Variants in PXDNL observed in about 807,000 individuals in gnomAD.
PXDNL encodes peroxidasin like.
Under a neutral mutation model 150.8 loss-of-function variants are expected in PXDNL, and 145 were observed. The ratio of observed to expected loss-of-function variants is 0.96; its 90% CI spans 0.84 to 1.10. The LOEUF (loss-of-function observed/expected upper bound fraction) is 1.10, where lower values mean the gene tolerates loss of function less well. Ranked by LOEUF, PXDNL falls within the 50% of genes least tolerant of loss-of-function variation. The probability of loss-of-function intolerance (pLI) is 0.00; values close to 1 mark genes in which losing one functional copy is unlikely to be tolerated. For synonymous variants in PXDNL, 757 were observed against 725.7 expected, an observed-to-expected ratio of 1.04 and a Z score of -0.69; for missense variants, 2,087 against 1,873.9, an observed-to-expected ratio of 1.11 and a Z score of -2.10.
At chr8:51,542,231 T>C (rs773251885) in intron 4 of PXDNL, among the ~76,000 whole-genome samples, 9 of 152,158 alleles carry the variant, frequency 5.9e-5, no homozygotes, top group Non-Finnish European at 1.0e-4. Flanking sequence ...TATTAAATAT[T>C]ATCTAACAGA....
intron 15 of PXDNL, 23 bp downstream of exon 15, chr8:51,413,127 A>G: frequency 7.4e-7 from 1 of 1,357,498 alleles, no homozygotes; most frequent in Non-Finnish European, 1.1e-6. Context: ...CAAGGTTTCA[A>G]TCTGTGTAAA....
intron 19 of PXDNL, among the ~76,000 whole-genome samples, chr8:51,367,347 C>T (rs989391142): frequency 2.0e-5 from 3 of 151,926 alleles, no homozygotes; most frequent in South Asian, 2.1e-4. Flanking sequence ...AACACACTAA[C>T]AGAGAAATGA....
chr8:51,608,185 C>G (rs1172500363), intron 2 of PXDNL, among the ~76,000 whole-genome samples: 2 of 147,624 alleles, frequency 1.4e-5, no homozygotes, highest in Admixed American at 6.7e-5. Flanking sequence ...GTCAGGAGAT[C>G]AAGACCATCC....
intron 1 of PXDNL, among the ~76,000 whole-genome samples, chr8:51,767,358 G>C (rs867814530): frequency 7.9e-5 from 12 of 151,744 alleles, no homozygotes; most frequent in African/African-American, 2.9e-4. Flanking sequence ...CCCCTTCCTA[G>C]TTTTCATGTT....
chr8:51,751,932 G>T (rs1413848780), intron 1 of PXDNL, among the ~76,000 whole-genome samples: 1 of 152,076 alleles, frequency 6.6e-6, no homozygotes, highest in African/African-American at 2.4e-5. Context: ...TATTTCTTGT[G>T]GCCCAATAAC....
intron 2 of PXDNL, among the ~76,000 whole-genome samples, chr8:51,608,656 T>A (rs1199529571): frequency 6.7e-6 from 1 of 148,654 alleles, no homozygotes; most frequent in African/African-American, 2.5e-5. Context: ...GCTAACACGG[T>A]GAAACCCCGT....
At chr8:51,441,344 T>C (rs2017341) in intron 12 of PXDNL, among the ~76,000 whole-genome samples, 144,483 of 152,228 alleles carry the variant, frequency 0.95, 68,808 homozygotes, top group Non-Finnish European at 0.99. Flanking sequence ...TAATACAAGG[T>C]CCTTCATTTT....
intron 19 of PXDNL, among the ~76,000 whole-genome samples, chr8:51,353,480 ACTT>A (rs1284417882): frequency 2.6e-5 from 4 of 152,058 alleles, no homozygotes; most frequent in Non-Finnish European, 4.4e-5. Flanking sequence ...TAGATATTAC[ACTT>A]CTTGATAAAA....
chr8:51,644,734 G>C (rs1814879646), intron 2 of PXDNL, among the ~76,000 whole-genome samples: 1 of 151,716 alleles, frequency 6.6e-6, no homozygotes, highest in Non-Finnish European at 1.5e-5. Context: ...TGGGATTACA[G>C]GTGTGAGTCA....
chr8:51,520,380 T>TGCGGAGAAGGGACTGGG (rs996606872), intron 4 of PXDNL, among the ~76,000 whole-genome samples: 11 of 149,310 alleles, frequency 7.4e-5, no homozygotes, highest in African/African-American at 2.2e-4. Context: ...GGAACCTGGC[T>TGCGGAGAAGGGACTGGG]GCGGGGAAGG....
intron 12 of PXDNL, among the ~76,000 whole-genome samples, chr8:51,440,863 G>C (rs1009311055): frequency 1.3e-5 from 2 of 152,166 alleles, no homozygotes; most frequent in African/African-American, 4.8e-5. Context: ...GAGGTGCAGA[G>C]GGCCAGCAGG....
chr8:51,572,761 T>C (rs1812974641), intron 3 of PXDNL, among the ~76,000 whole-genome samples: 1 of 151,906 alleles, frequency 6.6e-6, no homozygotes, highest in Admixed American at 6.6e-5. Context: ...TTATCACATA[T>C]TGGACAGCTG....
rs199788608 is a variant in PXDNL at position 51,644,335 on chromosome 8, T to TAC, written c.236+10353_236+10354insGT. ...GCACATTTTTACATATATATATATA[T>TAC]ATACACACACACACACACACACACA... On this transcript the variant is annotated intron_variant, in intron 2 of 22. Transcript: ENST00000356297. Among the ~76,000 whole-genome samples the TAC allele has an allele frequency of 7.1e-3, 344 of 48,702 alleles. 22 individuals carry two copies. Among genetic ancestry groups the TAC allele is most frequent in the South Asian group, 0.047 (48 of 1,012 alleles). The allele number at this position is 48,702 out of a possible 152,430, so 32.0% of individuals were successfully genotyped here.
intron 10 of PXDNL, among the ~76,000 whole-genome samples, chr8:51,452,669 G>A (rs1007536789): frequency 3.3e-5 from 5 of 152,056 alleles, no homozygotes; most frequent in South Asian, 2.1e-4. Flanking sequence ...TGTTTCACAC[G>A]GTTCAGTGTT....
chr8:51,781,089 G>A (rs1054785179), intron 1 of PXDNL, among the ~76,000 whole-genome samples: 1 of 152,102 alleles, frequency 6.6e-6, no homozygotes, highest in Admixed American at 6.5e-5. Context: ...TTGGGGTTAG[G>A]ATTTTAACAC....
intron 3 of PXDNL, among the ~76,000 whole-genome samples, chr8:51,582,630 C>G (rs972571100): frequency 1.3e-5 from 2 of 152,000 alleles, no homozygotes; most frequent in African/African-American, 4.8e-5. Flanking sequence ...CTTATTACTC[C>G]CTCTTACTCT....
At chr8:51,719,046 C>T (rs1207976391) in intron 1 of PXDNL, among the ~76,000 whole-genome samples, 1 of 152,008 alleles carries the variant, frequency 6.6e-6, no homozygotes, top group Non-Finnish European at 1.5e-5. Context: ...CGGGGGGCAC[C>T]TCCGCCCGGC....
At chr8:51,454,278 C>G (rs1809878263) in intron 9 of PXDNL, among the ~76,000 whole-genome samples, 1 of 152,154 alleles carries the variant, frequency 6.6e-6, no homozygotes, top group Admixed American at 6.6e-5. Context: ...AATAAAGAAA[C>G]CTATGTGCAA....
chr8:51,797,562 C>T (rs746315032), intron 1 of PXDNL, among the ~76,000 whole-genome samples: 2 of 152,106 alleles, frequency 1.3e-5, no homozygotes, highest in South Asian at 4.1e-4. Flanking sequence ...CATGAATAAA[C>T]TCCCATTCAC....
Sources: allele counts gnomAD v4.1 joint callset (sites outside exome capture counted in the v4.1 genomes callset), GRCh38; gene constraint gnomAD v4.1.1; transcripts MANE v1.5; gene names NCBI Gene and HGNC (gene_info 2026-07-23, HGNC 2026-07-21).